The following EPHA6 variants were observed in gnomAD, a reference collection of about 807,000 sequenced individuals.
The protein encoded by EPHA6 is EPH receptor A6.
A neutral mutation model predicts 112.0 loss-of-function variants in EPHA6; 50 were observed. That is an observed-to-expected ratio of 0.45 (90% CI 0.36 to 0.56). The LOEUF (loss-of-function observed/expected upper bound fraction) is 0.56. Ranked by LOEUF, EPHA6 falls within the 20% of genes least tolerant of loss-of-function variation. The pLI, the probability that EPHA6 is intolerant of heterozygous loss-of-function variation, is 0.00. For synonymous variants in EPHA6, 529 were observed against 490.7 expected (o/e 1.08, Z -1.03); for missense variants, 1,280 against 1,417.4 (o/e 0.90, Z 1.56).
chr3:97,592,947 G>A (rs965940864), intron 12 of EPHA6, among the ~76,000 whole-genome samples: 6 of 152,134 alleles, frequency 3.9e-5, no homozygotes, highest in East Asian at 1.9e-4. Flanking sequence ...CACCTAATTC[G>A]CATAGTGCTG....
chr3:97,160,310 G>A (rs887884833), intron 3 of EPHA6, among the ~76,000 whole-genome samples: 18 of 151,866 alleles, frequency 1.2e-4, no homozygotes, highest in African/African-American at 2.9e-4. Context: ...ATGGAATCTC[G>A]CTCTGTCACC....
intron 14 of EPHA6, among the ~76,000 whole-genome samples, chr3:97,641,188 A>C (rs1001311600): frequency 1.3e-4 from 20 of 152,298 alleles, no homozygotes; most frequent in African/African-American, 4.8e-4. Flanking sequence ...CAAAATTATA[A>C]TAGACAGATA....
At chr3:97,682,877 A>G (rs956028068) in intron 14 of EPHA6, among the ~76,000 whole-genome samples, 3 of 152,178 alleles carry the variant, frequency 2.0e-5, no homozygotes, top group Non-Finnish European at 4.4e-5. Context: ...GTATTAGACT[A>G]CAAGAATTGA....
At chr3:96,841,720 T>C (rs562266799) in intron 1 of EPHA6, among the ~76,000 whole-genome samples, 21 of 133,120 alleles carry the variant, frequency 1.6e-4, no homozygotes, top group African/African-American at 7.0e-4. Context: ...TGTTGAACTT[T>C]TGTCATTTTT....
chr3:97,164,512 T>C (rs562307380), intron 3 of EPHA6, among the ~76,000 whole-genome samples: 1 of 152,244 alleles, frequency 6.6e-6, no homozygotes, highest in African/African-American at 2.4e-5. Flanking sequence ...TTAGTGTTAT[T>C]ATGTCCTTTA....
chr3:97,594,211 G>A (rs2093568166), intron 12 of EPHA6, among the ~76,000 whole-genome samples: 1 of 152,154 alleles, frequency 6.6e-6, no homozygotes, highest in African/African-American at 2.4e-5. Context: ...AGACTGACTT[G>A]AATTATTCAA....
At chr3:97,492,910 A>G (rs553830624) in intron 10 of EPHA6, among the ~76,000 whole-genome samples, 15 of 151,710 alleles carry the variant, frequency 9.9e-5, no homozygotes, top group Admixed American at 9.8e-4. Context: ...GTTTTCAAGT[A>G]TTTAGAGCTT....
rs552278091 is a variant in EPHA6, at chr3:97,417,852, T to A, written c.1731+12578T>A. 4.6e-5 allele frequency among the ~76,000 whole-genome samples: 7 copies of A among 152,182 alleles called. No homozygotes were observed. The East Asian group carries it at 1.4e-3, about 29-fold the overall frequency. ...GATTTCTTATAGACATAGAAGTAAA[T>A]CCTATCTAGAGAAAAGCTCTCAAAA... On this transcript the variant is annotated intron_variant, in intron 6 of 17. Coordinates refer to ENST00000389672, the MANE Select transcript of EPHA6 (RefSeq NM_001080448.3).
chr3:97,527,685 G>GA (rs201582906), intron 10 of EPHA6, among the ~76,000 whole-genome samples: 1 of 151,910 alleles, frequency 6.6e-6, no homozygotes, highest in Non-Finnish European at 1.5e-5. Context: ...TTGCATTTGG[G>GA]AAAAAAAGTG....
chr3:97,540,343 C>G (rs2092831925), intron 11 of EPHA6, among the ~76,000 whole-genome samples: 1 of 152,174 alleles, frequency 6.6e-6, no homozygotes, highest in South Asian at 2.1e-4. Context: ...GTGACTGTAA[C>G]AGTGACTAGA....
At chr3:97,550,414 C>T (rs1004902379) in intron 11 of EPHA6, among the ~76,000 whole-genome samples, 1 of 152,176 alleles carries the variant, frequency 6.6e-6, no homozygotes, top group Non-Finnish European at 1.5e-5. Flanking sequence ...TCCCACACAT[C>T]CTTTTTTTTA....
chr3:96,988,859 T>C (rs945114794), intron 3 of EPHA6, among the ~76,000 whole-genome samples: 1 of 152,174 alleles, frequency 6.6e-6, no homozygotes, highest in Non-Finnish European at 1.5e-5. Context: ...ATTTTCGTGA[T>C]GAAACATTTT....
At chr3:96,833,787 C>T (rs965312171) in intron 1 of EPHA6, among the ~76,000 whole-genome samples, 3 of 151,938 alleles carry the variant, frequency 2.0e-5, no homozygotes, top group Admixed American at 2.0e-4. Context: ...GCATTAAGAA[C>T]ATTGCAATTC....
chr3:97,559,700 C>T (rs560381241), intron 11 of EPHA6: 60 of 441,556 alleles, frequency 1.4e-4, no homozygotes, highest in African/African-American at 1.1e-3. Context: ...TATGCTGTCA[C>T]ACAAGAGTGA....
At chr3:97,437,773 A>T (rs2089926720) in intron 6 of EPHA6, among the ~76,000 whole-genome samples, 1 of 152,062 alleles carries the variant, frequency 6.6e-6, no homozygotes, top group African/African-American at 2.4e-5. Context: ...AGGTGCTGGG[A>T]TTACAGGTGT....
At chr3:97,583,163 G>A (rs2107296548) in intron 11 of EPHA6, among the ~76,000 whole-genome samples, 1 of 151,750 alleles carries the variant, frequency 6.6e-6, no homozygotes, top group Middle Eastern at 3.4e-3. Context: ...AATAGATCTA[G>A]CTCTCATACA....
At chr3:97,067,555 T>C (rs1383979747) in intron 3 of EPHA6, among the ~76,000 whole-genome samples, 2 of 149,218 alleles carry the variant, frequency 1.3e-5, no homozygotes, top group African/African-American at 5.0e-5. Flanking sequence ...TATATATATA[T>C]ACCAAAGAGA....
intron 2 of EPHA6, among the ~76,000 whole-genome samples, chr3:96,947,415 C>A (rs2041324598): frequency 6.6e-6 from 1 of 152,092 alleles, no homozygotes; most frequent in South Asian, 2.1e-4. Context: ...CCAGTTTTCC[C>A]AGCACCATTT....
chr3:97,626,939 G>A (rs374637237), intron 13 of EPHA6, among the ~76,000 whole-genome samples: 1 of 151,848 alleles, frequency 6.6e-6, no homozygotes, highest in African/African-American at 2.4e-5. Flanking sequence ...TTGGGAGTCT[G>A]TGGCTGAAAT....
Sources: allele counts gnomAD v4.1 joint callset (sites outside exome capture counted in the v4.1 genomes callset), GRCh38; gene constraint gnomAD v4.1.1; transcripts MANE v1.5; gene names NCBI Gene and HGNC (gene_info 2026-07-23, HGNC 2026-07-21).